KIF21A: variants seen among roughly 807,000 people sequenced by gnomAD.
KIF21A encodes kinesin family member 21A, also known as kinesin-like protein KIF21A.
KIF21A carries 114 observed loss-of-function variants against 202.9 expected under a neutral mutation model. The ratio of observed to expected loss-of-function variants is 0.56; its 90% CI spans 0.48 to 0.66. KIF21A has a LOEUF of 0.66. Among genes scored for constraint, KIF21A ranks in the 30% least tolerant of loss-of-function variants. The pLI, the probability that KIF21A is intolerant of heterozygous loss-of-function variation, is 0.00. For synonymous variants in KIF21A, 667 were observed against 670.8 expected, an observed-to-expected ratio of 0.99 and a Z score of 0.09; for missense variants, 1,677 against 1,994.9, an observed-to-expected ratio of 0.84 and a Z score of 3.04.
Position 39,294,422 on chromosome 12 carries a change from G to A in KIF21A, c.*2C>T, listed in dbSNP as rs1054146188. 2 of 1,602,228 alleles carry A rather than the reference G, an allele frequency of 1.2e-6. No individual in the cohort carries two copies. The highest frequency in any genetic ancestry group is 1.7e-6 in the Non-Finnish European group (2 of 1,169,274). ...CAGTTTACAACCTATCTTCATTCAT[G>A]TTTAATTACTGGCAATATCTTCCCC... On this transcript the variant is annotated 3_prime_UTR_variant, in exon 38 of 38. Coordinates refer to ENST00000361418, the MANE Select transcript of KIF21A (RefSeq NM_001173464.2).
intron 7 of KIF21A, among the ~76,000 whole-genome samples, chr12:39,360,797 C>A (rs935914035): frequency 1.1e-4 from 16 of 152,222 alleles, no homozygotes; most frequent in South Asian, 2.1e-4. Flanking sequence ...TGTAAAAAAA[C>A]CAGCTCGAAT....
chr12:39,405,690 T>C (rs1205008255), intron 1 of KIF21A, among the ~76,000 whole-genome samples: 1 of 152,126 alleles, frequency 6.6e-6, no homozygotes, highest in Non-Finnish European at 1.5e-5. Flanking sequence ...AAAAAGCGTA[T>C]ATAAAGTTCC....
At chr12:39,347,350 A>G (rs1020991198) in intron 11 of KIF21A, among the ~76,000 whole-genome samples, 1 of 151,932 alleles carries the variant, frequency 6.6e-6, no homozygotes, top group Non-Finnish European at 1.5e-5. Context: ...AGAATATTCA[A>G]TATTAAAACT....
chr12:39,315,290 AGAGGG>A, intron 30 of KIF21A, 50 bp from the exon 31 acceptor site: 1 of 1,559,866 alleles, frequency 6.4e-7, no homozygotes, highest in Non-Finnish European at 8.8e-7. Context: ...ACAAGTGCAA[AGAGGG>A]AGGACATAAA....
intron 1 of KIF21A, among the ~76,000 whole-genome samples, chr12:39,415,481 C>A (rs1953499936): frequency 6.6e-6 from 1 of 152,076 alleles, no homozygotes; most frequent in Admixed American, 6.5e-5. Flanking sequence ...AACTCGTGAT[C>A]TGCCCGCCTC....
intron 1 of KIF21A, among the ~76,000 whole-genome samples, chr12:39,424,373 A>G (rs542802647): frequency 2.8e-4 from 43 of 152,290 alleles, no homozygotes; most frequent in African/African-American, 1.0e-3. Flanking sequence ...CTCTTTCCCC[A>G]TAAGTCTTCT....
intron 27 of KIF21A, among the ~76,000 whole-genome samples, chr12:39,320,932 CAAAAAAAAAAAAAAA>C (rs59613512): frequency 1.2e-4 from 2 of 16,122 alleles, no homozygotes; most frequent in African/African-American, 2.0e-4. Flanking sequence ...AAGACTCTGC[CAAAAAAAAAAAAAAA>C]AAAAAAAAAA....
At chr12:39,406,719 G>C (rs986724578) in intron 1 of KIF21A, among the ~76,000 whole-genome samples, 8 of 152,138 alleles carry the variant, frequency 5.3e-5, no homozygotes, top group African/African-American at 1.9e-4. Flanking sequence ...CTTTCTCAAA[G>C]ATGTCAAGCT....
In KIF21A at chr12:39,322,802, A is replaced by G. The variant is rs554469530; in HGVS notation, c.3537T>C (p.Asp1179=). The G allele has an allele frequency of 1.2e-6, 2 of 1,614,124 alleles. No individual in the cohort carries two copies. The highest frequency in any genetic ancestry group is 1.7e-5 in the Admixed American group (1 of 60,024). ...SELASDTSTG[D]ASLPGPLTPV... ...GTGTGAGAGGGCCAGGCAAGGAGGC[A>G]TCTCCTGTACTAGTGTCTGAAGCTA... The change falls in exon 27 of 38, where the codon GAT becomes GAC. Residue 1179 remains aspartate (D), a synonymous_variant. Coordinates refer to ENST00000361418, the MANE Select transcript of KIF21A (RefSeq NM_001173464.2).
intron 7 of KIF21A, among the ~76,000 whole-genome samples, chr12:39,358,758 A>G (rs993678361): frequency 2.0e-5 from 3 of 152,248 alleles, no homozygotes; most frequent in Non-Finnish European, 2.9e-5. Flanking sequence ...CTTAATCACC[A>G]GTATCCTGAC....
At chr12:39,315,798 A>AT (rs1944471864) in intron 30 of KIF21A, 134 bp downstream of exon 30, 1 of 773,574 alleles carries the variant, frequency 1.3e-6, no homozygotes, top group African/African-American at 1.7e-5. Flanking sequence ...TCATGTTTAG[A>AT]AATATTAGTG....
rs1401809989 is a variant in KIF21A, at chr12:39,332,947, C to G, written c.2648G>C (p.Arg883Thr). 2 of 1,614,008 alleles carry G rather than the reference C, an allele frequency of 1.2e-6. No homozygotes were observed. The highest frequency in any genetic ancestry group is 1.7e-5 in the Admixed American group (1 of 60,002). The change falls in exon 19 of 38, where the codon AGA (arginine) becomes ACA (threonine). Residue 883 changes from arginine to threonine, a missense_variant. Physicochemically the swap from Arg to Thr is moderately conservative, Grantham distance 71 (BLOSUM62 -1). Around this residue, in one of 3 missense-constraint regions of KIF21A, gnomAD observed 966 missense variants for 1,180.9 expected, o/e 0.82. Coordinates refer to ENST00000361418, the MANE Select transcript of KIF21A (RefSeq NM_001173464.2). ...GGCCTGGACTCTCGCCACAGGAATT[C>G]TCATTTTCTGCTGGGCTCCTGTCCT... ...ASRTGAQQKM[R>T]IPVARVQALP...
In KIF21A at chr12:39,320,004, C is replaced by A; in HGVS notation, c.3681G>T (p.Gln1227His). 3 of 1,576,352 alleles carry A rather than the reference C, an allele frequency of 1.9e-6. No individual in the cohort carries two copies. The highest frequency in any genetic ancestry group is 2.6e-6 in the Non-Finnish European group (3 of 1,148,258). Residue 1227 changes from glutamine (Q) to histidine (H), a missense_variant, in exon 28 of 38, where the codon CAG (glutamine) becomes CAT (histidine). Physicochemically the swap from Gln to His is conservative, Grantham distance 24 (BLOSUM62 0). Transcript: ENST00000361418. ...LPSKIGSISR[Q>H]SSLSEKKIPE... ...GAATTTTTTTTTCTGATAGAGATGA[C>A]TGCCTGGAACTAAAGTAAAAGAAGA... is the stretch of plus-strand genomic sequence containing the variant.
chr12:39,300,509 T>C lies in KIF21A; in HGVS notation c.4931+971A>G, dbSNP rs570835365. On this transcript the variant is annotated intron_variant, in intron 37 of 37. Coordinates refer to ENST00000361418, the MANE Select transcript of KIF21A (RefSeq NM_001173464.2). ...ATAAAGTAAAGGCTTCAAAATAAAA[T>C]CAGGGTGTTCATGCATTTGAGATAC... 3.3e-5 allele frequency among the ~76,000 whole-genome samples: 5 copies of C among 152,124 alleles called. No individual in the cohort carries two copies. In the East Asian group the frequency reaches 9.6e-4, roughly 29 times the overall value.
intron 10 of KIF21A, among the ~76,000 whole-genome samples, chr12:39,352,777 T>A (rs190849885): frequency 1.1e-4 from 17 of 152,216 alleles, no homozygotes; most frequent in African/African-American, 3.9e-4. Flanking sequence ...TTGAAAAAAT[T>A]CTTTTGTTTG....
intron 1 of KIF21A, among the ~76,000 whole-genome samples, chr12:39,409,010 G>T (rs559684134): frequency 6.0e-4 from 91 of 151,244 alleles, no homozygotes; most frequent in East Asian, 1.8e-3. Flanking sequence ...TTATTTTTTT[G>T]TTGTTGTTGT....
intron 1 of KIF21A, among the ~76,000 whole-genome samples, chr12:39,406,117 CA>C (rs768002322): frequency 6.6e-6 from 1 of 150,886 alleles, no homozygotes; most frequent in Non-Finnish European, 1.5e-5. Context: ...AACAAACAAA[CA>C]AAAAAAATTA....
intron 34 of KIF21A, among the ~76,000 whole-genome samples, chr12:39,306,898 G>A (rs1943525540): frequency 6.6e-6 from 1 of 152,102 alleles, no homozygotes; most frequent in Non-Finnish European, 1.5e-5. Context: ...ACATATTTGG[G>A]TTGAATAAAT....
chr12:39,311,436 G>C lies in KIF21A; in HGVS notation c.4077C>G (p.Leu1359=), dbSNP rs1158070937. Residue 1359 remains leucine, a synonymous_variant, in exon 32 of 38, where the codon CTC becomes CTG. Transcript: ENST00000361418. ...TAGCACCTTTTGATCCAGTGAAGAG[G>C]AGATCATCAGTAGAATCCACACAGA... ...AVLCVDSTDD[L]LFTGSKDRTC... 1.9e-6 allele frequency: 3 copies of C among 1,612,950 alleles called. No homozygotes were observed. Among genetic ancestry groups the C allele is most frequent in the South Asian group, 2.2e-5 (2 of 91,054 alleles).
Sources: gnomAD v4.1 joint callset for allele counts (sites outside exome capture counted in the v4.1 genomes callset) on GRCh38, gnomAD v4.1.1 for gene constraint, gnomAD v4.1.1 regional missense constraint, MANE v1.5 for transcripts, NCBI Gene and HGNC (gene_info 2026-07-23, HGNC 2026-07-21) for gene names.